The following DLG2 variants were observed in gnomAD, a reference collection of about 807,000 sequenced individuals.
The protein encoded by DLG2 is discs large MAGUK scaffold protein 2, also known as disks large homolog 2.
A neutral mutation model predicts 132.5 loss-of-function variants in DLG2; 45 were observed. The observed-to-expected ratio is 0.34, with a 90% CI of 0.27 to 0.44. DLG2 has a LOEUF of 0.44. DLG2 is among the 20% of genes least tolerant of loss of function. The pLI is 1.00. For missense variants in DLG2, 1,045 were observed against 1,196.9 expected (o/e 0.87, Z 1.87); for synonymous variants, 424 against 419.6 (o/e 1.01, Z -0.13).
chr11:83,824,792 C>G (rs1183029000), intron 17 of DLG2, among the ~76,000 whole-genome samples: 1 of 152,044 alleles, frequency 6.6e-6, no homozygotes, highest in Non-Finnish European at 1.5e-5. Flanking sequence ...AAGTTTCAGA[C>G]TTTTGAAAGC....
At chr11:85,530,310 TTTTA>T (rs1213808367) in intron 3 of DLG2, among the ~76,000 whole-genome samples, 3 of 148,214 alleles carry the variant, frequency 2.0e-5, no homozygotes, top group Admixed American at 6.7e-5. Context: ...TTTATTTTTA[TTTTA>T]TTTATTTTAT....
chr11:84,846,166 A>T (rs570555437), intron 6 of DLG2, among the ~76,000 whole-genome samples: 1 of 152,224 alleles, frequency 6.6e-6, no homozygotes, highest in African/African-American at 2.4e-5. Flanking sequence ...TATGAGGATG[A>T]AATATATATC....
intron 6 of DLG2, among the ~76,000 whole-genome samples, chr11:84,736,554 A>G (rs2063856495): frequency 6.6e-6 from 1 of 151,818 alleles, no homozygotes; most frequent in Non-Finnish European, 1.5e-5. Flanking sequence ...CTTTAATTTT[A>G]CTTAATTTTA....
At chr11:85,455,386 T>C (rs771961837) in intron 3 of DLG2, among the ~76,000 whole-genome samples, 18 of 152,238 alleles carry the variant, frequency 1.2e-4, no homozygotes, top group Admixed American at 8.5e-4. Context: ...ATCCCAAAAC[T>C]TTGCTGAAGT....
intron 6 of DLG2, among the ~76,000 whole-genome samples, chr11:85,013,151 G>A (rs2059295147): frequency 6.6e-6 from 1 of 152,160 alleles, no homozygotes; most frequent in Non-Finnish European, 1.5e-5. Context: ...TCCCTATTGA[G>A]ATGCAGAGTC....
At chr11:85,349,988 C>A (rs1018453559) in intron 3 of DLG2, among the ~76,000 whole-genome samples, 4 of 152,242 alleles carry the variant, frequency 2.6e-5, no homozygotes, top group Non-Finnish European at 5.9e-5. Flanking sequence ...AATCGCCACA[C>A]TGTCATCCAC....
chr11:85,337,686 T>C (rs181854777), intron 3 of DLG2, among the ~76,000 whole-genome samples: 1 of 152,296 alleles, frequency 6.6e-6, no homozygotes, highest in East Asian at 1.9e-4. Flanking sequence ...TTAGGCTCAG[T>C]AAAGTCTAGA....
At chr11:83,789,208 G>A (rs1258976851) in intron 17 of DLG2, among the ~76,000 whole-genome samples, 16 of 152,220 alleles carry the variant, frequency 1.1e-4, no homozygotes, top group Non-Finnish European at 1.5e-5. Context: ...TCTTTTTAAA[G>A]TAATAGATTA....
intron 6 of DLG2, among the ~76,000 whole-genome samples, chr11:84,775,724 A>G (rs539995639): frequency 2.6e-5 from 4 of 152,258 alleles, no homozygotes; most frequent in South Asian, 2.1e-4. Flanking sequence ...TGGCAACAAT[A>G]GACACTGGGT....
At chr11:84,159,357 T>C (rs1182526774) in intron 9 of DLG2, among the ~76,000 whole-genome samples, 2 of 152,196 alleles carry the variant, frequency 1.3e-5, no homozygotes, top group African/African-American at 4.8e-5. Flanking sequence ...ATGCTACTAA[T>C]TTAATTACAG....
chr11:84,471,232 C>A (rs1250576335), intron 7 of DLG2, among the ~76,000 whole-genome samples: 1 of 151,668 alleles, frequency 6.6e-6, no homozygotes, highest in Non-Finnish European at 1.5e-5. Context: ...GGTGTCTCTG[C>A]TACCTAGTGA....
At chr11:84,982,272 C>T (rs2055867416) in intron 6 of DLG2, among the ~76,000 whole-genome samples, 2 of 152,136 alleles carry the variant, frequency 1.3e-5, no homozygotes, top group African/African-American at 4.8e-5. Flanking sequence ...AACATCTCTA[C>T]TTAGCTATCT....
intron 5 of DLG2, among the ~76,000 whole-genome samples, chr11:85,146,523 C>T (rs931870597): frequency 1.3e-5 from 2 of 152,090 alleles, no homozygotes; most frequent in African/African-American, 4.8e-5. Context: ...TCTAGAGATG[C>T]CATCCAGGAG....
chr11:84,883,574 A>G (rs1454233926), intron 6 of DLG2, among the ~76,000 whole-genome samples: 1 of 152,072 alleles, frequency 6.6e-6, no homozygotes, highest in African/African-American at 2.4e-5. Flanking sequence ...CCATTCCTCC[A>G]CTTCTCCTCA....
chr11:84,170,057 T>C (rs897784653), intron 8 of DLG2, among the ~76,000 whole-genome samples: 5 of 152,166 alleles, frequency 3.3e-5, no homozygotes, highest in African/African-American at 1.2e-4. Flanking sequence ...ACAGGTTGTA[T>C]ATTAACCTTT....
intron 19 of DLG2, among the ~76,000 whole-genome samples, chr11:83,576,603 T>C (rs773910174): frequency 1.3e-3 from 194 of 152,176 alleles, no homozygotes; most frequent in Non-Finnish European, 7.8e-4. Context: ...AGAAACAACA[T>C]GGGTAAGAAA....
At chr11:85,032,783 A>C (rs921552568) in intron 6 of DLG2, among the ~76,000 whole-genome samples, 1 of 152,236 alleles carries the variant, frequency 6.6e-6, no homozygotes, top group African/African-American at 2.4e-5. Context: ...CACAATGTGC[A>C]ACTTACTAAG....
chr11:84,370,471 C>A (rs1405434108), intron 7 of DLG2, among the ~76,000 whole-genome samples: 1 of 152,104 alleles, frequency 6.6e-6, no homozygotes, highest in African/African-American at 2.4e-5. Flanking sequence ...AGTTCTAGCA[C>A]ACTAGCAACT....
intron 6 of DLG2, among the ~76,000 whole-genome samples, chr11:84,623,105 C>A (rs1010520324): frequency 6.6e-6 from 1 of 152,122 alleles, no homozygotes; most frequent in Non-Finnish European, 1.5e-5. Flanking sequence ...CAAACACCAC[C>A]CTTTTGATTA....
Sources: allele counts gnomAD v4.1 joint callset (sites outside exome capture counted in the v4.1 genomes callset), GRCh38; gene constraint gnomAD v4.1.1; transcripts MANE v1.5; gene names NCBI Gene and HGNC (gene_info 2026-07-23, HGNC 2026-07-21).